The following ASIP variants were observed in gnomAD, a reference collection of about 807,000 sequenced individuals.
ASIP encodes agouti-signaling protein.
ASIP carries 11 observed loss-of-function variants against 10.3 expected under a neutral mutation model. The observed-to-expected ratio is 1.07, with a 90% confidence interval of 0.68 to 1.78. ASIP has a LOEUF of 1.78. Among genes scored for constraint, ASIP ranks in the 40% most tolerant of loss-of-function variants. The probability of loss-of-function intolerance (pLI) is 0.00; values close to 1 mark genes in which losing one functional copy is unlikely to be tolerated. For synonymous variants in ASIP, 70 were observed against 70.8 expected, an observed-to-expected ratio of 0.99 and a Z score of 0.06; for missense variants, 180 against 169.2, an observed-to-expected ratio of 1.06 and a Z score of -0.35.
chr20:34,263,021 G>T, intron 3 of ASIP, 128 bp downstream of exon 3: 1 of 1,099,818 alleles, frequency 9.1e-7, no homozygotes, highest in Non-Finnish European at 1.3e-6. Context: ...AAAAGAAACT[G>T]AAAGCTACTA....
At chr20:34,214,504 A>C in intron 1 of ASIP, 1 of 1,505,328 alleles carries the variant, frequency 6.6e-7, no homozygotes, top group Non-Finnish European at 9.2e-7. Flanking sequence ...TTCTGCCAAC[A>C]TATACAGCAA....
At chr20:34,247,690 C>T (rs1043207783) in intron 1 of ASIP, among the ~76,000 whole-genome samples, 2 of 151,966 alleles carry the variant, frequency 1.3e-5, no homozygotes, top group East Asian at 1.9e-4. Flanking sequence ...CTCACTGCAG[C>T]CTTGATCTCC....
intron 3 of ASIP, among the ~76,000 whole-genome samples, chr20:34,267,797 C>T (rs1000846213): frequency 2.6e-5 from 4 of 151,018 alleles, no homozygotes; most frequent in African/African-American, 9.7e-5. Context: ...TCCCAAAGTG[C>T]TGGGATTACA....
chr20:34,249,129 GA>G (rs574423782), intron 1 of ASIP, among the ~76,000 whole-genome samples: 122 of 146,898 alleles, frequency 8.3e-4, no homozygotes, highest in East Asian at 2.6e-3. Flanking sequence ...ACCCTGTCTC[GA>G]AAAAAAAAAA....
At chr20:34,232,011 A>AC (rs2122579870) in intron 1 of ASIP, among the ~76,000 whole-genome samples, 1 of 152,352 alleles carries the variant, frequency 6.6e-6, no homozygotes, top group Admixed American at 6.5e-5. Context: ...TATTCATCAC[A>AC]CAGCAAGCAG....
intron 1 of ASIP, among the ~76,000 whole-genome samples, chr20:34,217,127 C>A (rs1468253408): frequency 3.9e-5 from 6 of 152,060 alleles, no homozygotes; most frequent in Admixed American, 3.9e-4. Flanking sequence ...GAGTGGAGCC[C>A]TTCATGGTCC....
chr20:34,254,322 CA>C (rs1010692631), intron 1 of ASIP, among the ~76,000 whole-genome samples: 5 of 152,204 alleles, frequency 3.3e-5, no homozygotes, highest in Admixed American at 3.3e-4. Context: ...CTTGGCCTCC[CA>C]AAGTGCTGGG....
chr20:34,243,746 T>C (rs2035320016), intron 1 of ASIP, among the ~76,000 whole-genome samples: 2 of 146,328 alleles, frequency 1.4e-5, no homozygotes, highest in African/African-American at 2.7e-5. Context: ...TACATTTTTC[T>C]AATATTGTAT....
rs969148668 is a variant in ASIP, at chr20:34,215,105, G to C, written c.-11+20345G>C. 4 of 1,572,618 alleles carry C rather than the reference G, an allele frequency of 2.5e-6. No individual in the cohort carries two copies. In the African/African-American group the frequency reaches 5.4e-5, roughly 21 times the overall value. ...AATACTTGACACAAAGATTCTACTA[G>C]TTTCATTTTATCAACAGGGTCCATT... is the stretch of plus-strand genomic sequence containing the variant. On this transcript the variant is annotated intron_variant, in intron 1 of 3. Transcript: ENST00000568305.
rs375867692 is a variant in ASIP at position 34,245,849 on chromosome 20, T to C, written c.-11+4360T>C. The C allele has an allele frequency of 2.0e-5, 16 of 782,184 alleles. No individual in the cohort carries two copies. In the East Asian group the frequency reaches 1.1e-3, roughly 54 times the overall value. The allele number at this position is 782,184 out of a possible 1,614,324, so 48.5% of individuals were successfully genotyped here. A position where few individuals can be genotyped will look rare whatever the true frequency, so the allele number is the denominator to read the frequency against. On this transcript the variant is annotated intron_variant, in intron 1 of 3. Coordinates refer to ENST00000374954, the MANE Select transcript of ASIP (RefSeq NM_001672.3). Reference sequence around the variant, plus strand: ...CTACAGTTTTACTGTAGAATATATATATATTCTACAGTAAATATATATATA... The same window carrying C: ...CTACAGTTTTACTGTAGAATATATACATATTCTACAGTAAATATATATATA...
In ASIP at chr20:34,207,278, G is replaced by C. The variant is rs576806843; in HGVS notation, c.-11+12518G>C. On this transcript the variant is annotated intron_variant, in intron 1 of 3. Coordinates refer to the ASIP transcript ENST00000568305. Reference sequence around the variant, plus strand: ...TGAGATGAAATCTCACTGTGGTTTTGATTTGTATTTCCCTGATGATTAGTG... The same window carrying C: ...TGAGATGAAATCTCACTGTGGTTTTCATTTGTATTTCCCTGATGATTAGTG... Among the ~76,000 whole-genome samples the C allele has an allele frequency of 2.0e-5, 3 of 152,282 alleles. No homozygotes were observed. The South Asian group carries it at 6.2e-4, about 32-fold the overall frequency.
chr20:34,248,963 C>CA (rs60237416), intron 1 of ASIP, among the ~76,000 whole-genome samples: 24,137 of 129,224 alleles, frequency 0.19, 2,216 homozygotes, highest in African/African-American at 0.27. Flanking sequence ...ACCAAAAATA[C>CA]AAAAAAAAAA....
At chr20:34,205,456 C>T (rs2034929021) in intron 1 of ASIP, among the ~76,000 whole-genome samples, 1 of 151,552 alleles carries the variant, frequency 6.6e-6, no homozygotes, top group Non-Finnish European at 1.5e-5. Context: ...AAGCTGCAGA[C>T]CTTCTCGGTG....
intron 1 of ASIP, chr20:34,213,670 T>G: frequency 1.3e-6 from 2 of 1,552,360 alleles, no homozygotes; most frequent in Non-Finnish European, 1.8e-6. Flanking sequence ...TTCACAATCT[T>G]TGAGTATATG....
chr20:34,193,730 T>C (rs2034837999), upstream of ASIP, among the ~76,000 whole-genome samples: 1 of 152,224 alleles, frequency 6.6e-6, no homozygotes, highest in African/African-American at 2.4e-5. Flanking sequence ...ATCTGCAGTG[T>C]AGGCAGCCCA....
intron 1 of ASIP, among the ~76,000 whole-genome samples, chr20:34,232,632 C>G (rs1013537014): frequency 6.6e-6 from 1 of 152,176 alleles, no homozygotes; most frequent in Non-Finnish European, 1.5e-5. Context: ...GTCGTAATCA[C>G]CATACATAGC....
intron 1 of ASIP, among the ~76,000 whole-genome samples, chr20:34,258,703 T>TATATATATATATATATAC (rs1181859595): frequency 1.0e-5 from 1 of 95,262 alleles, no homozygotes; most frequent in Non-Finnish European, 2.0e-5. Flanking sequence ...ATACTATATA[T>TATATATATATATATATAC]ATATATTATA....
rs148069556 is a variant in ASIP, at chr20:34,204,876, A to G, written c.-11+10116A>G. 8.3e-4 allele frequency among the ~76,000 whole-genome samples: 127 copies of G among 152,358 alleles called. 1 individual carries two copies. The East Asian group carries it at 0.023, about 28-fold the overall frequency. On this transcript the variant is annotated intron_variant, in intron 1 of 3. Coordinates refer to the ASIP transcript ENST00000568305. ...AATAGTTGTACAATTTATGTGGTAC[A>G]TGTGATACTTTGATACAAGCATATA...
chr20:34,208,503 C>T lies in ASIP; in HGVS notation c.-11+13743C>T, dbSNP rs370394032. Among the ~76,000 whole-genome samples the T allele has an allele frequency of 1.3e-4, 20 of 152,214 alleles. No individual in the cohort carries two copies. In the East Asian group the frequency reaches 1.5e-3, roughly 12 times the overall value. On this transcript the variant is annotated intron_variant, in intron 1 of 3. Coordinates refer to the ASIP transcript ENST00000568305. ...CTGAGTAGCTGGGATTACAGGTGTG[C>T]ACCACTACTCCTGGTTAATTTTTTT...
Sources: gnomAD v4.1 joint callset for allele counts (sites outside exome capture counted in the v4.1 genomes callset) on GRCh38, gnomAD v4.1.1 for gene constraint, MANE v1.5 for transcripts, NCBI Gene and HGNC (gene_info 2026-07-23, HGNC 2026-07-21) for gene names.